The following IGSF10 variants were observed in gnomAD, a reference collection of about 807,000 sequenced individuals.
IGSF10 encodes the protein immunoglobulin superfamily member 10.
A neutral mutation model predicts 128.2 loss-of-function variants in IGSF10; 126 were observed. That is an observed-to-expected ratio of 0.98 (90% CI 0.85 to 1.14). The LOEUF (loss-of-function observed/expected upper bound fraction) is 1.14. IGSF10 is among the 50% of genes most tolerant of loss of function. The pLI, the probability that IGSF10 is intolerant of heterozygous loss-of-function variation, is 0.00. For missense variants in IGSF10, 3,295 were observed against 3,149.8 expected, an observed-to-expected ratio of 1.05 and a Z score of -1.10; for synonymous variants, 1,185 against 1,146.2, an observed-to-expected ratio of 1.03 and a Z score of -0.68.
chr3:151,454,053 T>C (rs1173969258), intron 4 of IGSF10, among the ~76,000 whole-genome samples: 1 of 151,588 alleles, frequency 6.6e-6, no homozygotes, highest in South Asian at 2.1e-4. Context: ...CGTCTTGCTC[T>C]GTCGCCCAGG....
the IGSF10 span, among the ~76,000 whole-genome samples, chr3:151,478,137 C>A: frequency 6.6e-6 from 1 of 152,278 alleles, no homozygotes; most frequent in East Asian, 1.9e-4. Flanking sequence ...AACCTTAAAG[C>A]CCCTTAAAGT....
Position 151,446,814 on chromosome 3 carries a change from G to A in IGSF10, c.3167C>T (p.Ala1056Val), listed in dbSNP as rs1039921732. The A allele has an allele frequency of 4.3e-6, 7 of 1,613,986 alleles. No homozygotes were observed. The highest frequency in any genetic ancestry group is 1.7e-5 in the Admixed American group (1 of 60,006). The change falls in exon 6 of 8, where the codon GCC becomes GTC. Residue 1056 changes from alanine (A) to valine (V), a missense_variant. By Grantham distance (64) the Ala-to-Val change is moderately conservative. Coordinates refer to ENST00000282466, the MANE Select transcript of IGSF10 (RefSeq NM_178822.5). ...CAGACATGTCACATTGAGCACTGTG[G>A]CTGAGAATGCAGTAGTGCTTTTTTC... ...SSEKSTTAFS[A>V]TVLNVTCLSC...
intron 2 of IGSF10, among the ~76,000 whole-genome samples, chr3:151,459,227 C>T (rs186616060): frequency 6.6e-6 from 1 of 152,164 alleles, no homozygotes; most frequent in African/African-American, 2.4e-5. Flanking sequence ...TCCTTTCCAG[C>T]CTTTTTCATC....
the IGSF10 span, among the ~76,000 whole-genome samples, chr3:151,598,247 A>G: frequency 2.6e-5 from 4 of 152,168 alleles, no homozygotes; most frequent in African/African-American, 7.2e-5. Flanking sequence ...CAAATATTGT[A>G]TGTACATCTG....
chr3:151,463,971 G>C (rs915908660), upstream of IGSF10, among the ~76,000 whole-genome samples: 3 of 152,092 alleles, frequency 2.0e-5, no homozygotes, highest in Non-Finnish European at 4.4e-5. Flanking sequence ...GATTCATATG[G>C]TTTACAAATC....
the IGSF10 span, among the ~76,000 whole-genome samples, chr3:151,588,517 C>A: frequency 6.6e-6 from 1 of 152,150 alleles, no homozygotes; most frequent in Non-Finnish European, 1.5e-5. Context: ...AATGCATATA[C>A]ACACTAATAT....
the IGSF10 span, among the ~76,000 whole-genome samples, chr3:151,489,616 A>G: frequency 6.6e-6 from 1 of 152,192 alleles, no homozygotes; most frequent in Non-Finnish European, 1.5e-5. Flanking sequence ...TGAGGCACAT[A>G]TGCACCATGG....
At chr3:151,494,271 C>A in the IGSF10 span, among the ~76,000 whole-genome samples, 124,920 of 151,940 alleles carry the variant, frequency 0.82, 51,422 homozygotes, top group Middle Eastern at 0.93. Flanking sequence ...TGAAATAAAG[C>A]AAAAAGAAGA....
chr3:151,535,194 C>G, the IGSF10 span, among the ~76,000 whole-genome samples: 1 of 151,976 alleles, frequency 6.6e-6, no homozygotes, highest in East Asian at 1.9e-4. Context: ...TTATTTTATT[C>G]CTAGTAGAGG....
At chr3:151,509,965 C>T in the IGSF10 span, among the ~76,000 whole-genome samples, 6 of 152,298 alleles carry the variant, frequency 3.9e-5, no homozygotes, top group East Asian at 1.9e-4. Flanking sequence ...AGTAGGTAAA[C>T]GAAGTGGCCA....
chr3:151,439,034 A>G (rs1720667162), intron 7 of IGSF10, among the ~76,000 whole-genome samples: 1 of 152,180 alleles, frequency 6.6e-6, no homozygotes, highest in South Asian at 2.1e-4. Context: ...TTGAACAGGT[A>G]TAATTTAGTG....
chr3:151,581,085 C>A, the IGSF10 span, among the ~76,000 whole-genome samples: 3 of 151,956 alleles, frequency 2.0e-5, no homozygotes, highest in Non-Finnish European at 2.9e-5. Flanking sequence ...TGTAAAAAAG[C>A]AAGCAGTTTA....
chr3:151,510,793 C>T, the IGSF10 span, among the ~76,000 whole-genome samples: 21 of 152,186 alleles, frequency 1.4e-4, no homozygotes, highest in Middle Eastern at 3.4e-3. Context: ...CTGAAAACCA[C>T]GGCACAAGAA....
At chr3:151,601,429 A>G in the IGSF10 span, among the ~76,000 whole-genome samples, 2 of 152,248 alleles carry the variant, frequency 1.3e-5, no homozygotes. Context: ...AATAAAGTAC[A>G]CACGCACACA....
chr3:151,503,360 C>T, the IGSF10 span, among the ~76,000 whole-genome samples: 1,909 of 151,440 alleles, frequency 0.013, 17 homozygotes, highest in South Asian at 0.031. Flanking sequence ...GCAAGTATTA[C>T]GTTTAAAGTA....
chr3:151,452,429 A>G (rs1274265202), intron 5 of IGSF10, among the ~76,000 whole-genome samples: 1 of 152,220 alleles, frequency 6.6e-6, no homozygotes, highest in Non-Finnish European at 1.5e-5. Context: ...TTATTTATGT[A>G]TCTAAACTTA....
At chr3:151,568,870 A>G in the IGSF10 span, among the ~76,000 whole-genome samples, 20 of 152,334 alleles carry the variant, frequency 1.3e-4, no homozygotes, top group African/African-American at 4.8e-4. Flanking sequence ...ACTATGTTAA[A>G]TATTTCCAGC....
chr3:151,451,211 A>T (rs1721496043), intron 5 of IGSF10, among the ~76,000 whole-genome samples: 1 of 152,122 alleles, frequency 6.6e-6, no homozygotes, highest in South Asian at 2.1e-4. Context: ...TGGCTCTGGC[A>T]TACGCTGTTC....
the IGSF10 span, among the ~76,000 whole-genome samples, chr3:151,549,658 TC>T: frequency 3.3e-5 from 5 of 152,220 alleles, no homozygotes; most frequent in Non-Finnish European, 7.3e-5. Flanking sequence ...TCTTTCCTTT[TC>T]CCTTTGTCTT....
Sources: allele counts gnomAD v4.1 joint callset (sites outside exome capture counted in the v4.1 genomes callset), GRCh38; gene constraint gnomAD v4.1.1; transcripts MANE v1.5; gene names NCBI Gene and HGNC (gene_info 2026-07-23, HGNC 2026-07-21).